The following MCTP1 variants were observed in gnomAD, a reference collection of about 807,000 sequenced individuals.
MCTP1 encodes multiple C2 and transmembrane domain-containing protein 1.
Under a neutral mutation model 120.6 loss-of-function variants are expected in MCTP1, and 69 were observed. That is an observed-to-expected ratio of 0.57 (90% confidence interval 0.47 to 0.70). The LOEUF is 0.70. Ranked by LOEUF, MCTP1 falls within the 30% of genes least tolerant of loss-of-function variation. The probability of loss-of-function intolerance (pLI) is 0.00; values close to 1 mark genes in which losing one functional copy is unlikely to be tolerated. For synonymous variants in MCTP1, 529 were observed against 493.1 expected (o/e 1.07, Z -0.96); for missense variants, 1,203 against 1,248.8 (o/e 0.96, Z 0.55).
At chr5:94,914,272 T>G (rs1809508247) in intron 8 of MCTP1, among the ~76,000 whole-genome samples, 1 of 152,228 alleles carries the variant, frequency 6.6e-6, no homozygotes, top group Non-Finnish European at 1.5e-5. Flanking sequence ...CAAAGTACAC[T>G]TCTAAATTAC....
chr5:95,184,463 C>T (rs1748974323), intron 1 of MCTP1, among the ~76,000 whole-genome samples: 1 of 152,156 alleles, frequency 6.6e-6, no homozygotes, highest in African/African-American at 2.4e-5. Context: ...AGAAATCAGA[C>T]CTAACCGACT....
chr5:94,889,329 C>T (rs2153385773), intron 11 of MCTP1, among the ~76,000 whole-genome samples: 1 of 152,222 alleles, frequency 6.6e-6, no homozygotes. Flanking sequence ...TGGCTTACAC[C>T]TGTAATCCCA....
At chr5:94,789,362 T>G (rs1039520197) in intron 18 of MCTP1, 1 of 152,216 alleles carries the variant, frequency 6.6e-6, no homozygotes, top group African/African-American at 2.4e-5. Context: ...CTTTAGTAAA[T>G]TGACTTTTAA....
At chr5:95,128,609 T>A (rs986435945) in intron 1 of MCTP1, among the ~76,000 whole-genome samples, 2 of 152,204 alleles carry the variant, frequency 1.3e-5, no homozygotes, top group African/African-American at 2.4e-5. Context: ...TATGAAATAT[T>A]CAGAATAGGC....
intron 17 of MCTP1, among the ~76,000 whole-genome samples, chr5:94,847,839 C>T (rs1260584430): frequency 2.0e-5 from 3 of 151,960 alleles, no homozygotes; most frequent in Admixed American, 6.6e-5. Context: ...TTACTTCTTA[C>T]GATTATCTAA....
intron 1 of MCTP1, among the ~76,000 whole-genome samples, chr5:95,221,688 C>T (rs1429752057): frequency 3.3e-5 from 5 of 152,302 alleles, no homozygotes; most frequent in African/African-American, 1.2e-4. Context: ...TCTCTTGGCT[C>T]CCACTATACC....
chr5:95,011,292 A>G (rs1236603752), intron 2 of MCTP1, among the ~76,000 whole-genome samples: 1 of 151,898 alleles, frequency 6.6e-6, no homozygotes, highest in African/African-American at 2.4e-5. Context: ...TTCTATTTCA[A>G]TTCTCCCTTC....
chr5:94,991,554 A>G (rs967058762), intron 2 of MCTP1, among the ~76,000 whole-genome samples: 1 of 152,234 alleles, frequency 6.6e-6, no homozygotes, highest in Non-Finnish European at 1.5e-5. Context: ...AATGATTAAC[A>G]GAAGATTAGT....
At chr5:94,899,561 T>C (rs191422613) in intron 10 of MCTP1, among the ~76,000 whole-genome samples, 4 of 152,338 alleles carry the variant, frequency 2.6e-5, no homozygotes, top group East Asian at 3.9e-4. Flanking sequence ...ACTGTGAAGA[T>C]TGTATCTGGC....
chr5:94,959,587 C>T (rs1581580630), intron 2 of MCTP1, among the ~76,000 whole-genome samples: 1 of 152,186 alleles, frequency 6.6e-6, no homozygotes, highest in East Asian at 1.9e-4. Flanking sequence ...GATACAAAGT[C>T]AATGTGCAAA....
chr5:94,986,409 AT>A (rs1830426313), intron 2 of MCTP1, among the ~76,000 whole-genome samples: 1 of 152,152 alleles, frequency 6.6e-6, no homozygotes, highest in Non-Finnish European at 1.5e-5. Flanking sequence ...TCCTCTTTTC[AT>A]AATCTGTTTT....
In MCTP1 at chr5:95,009,812, C is replaced by A. The variant is rs555016150; in HGVS notation, c.838+7555G>T. 1.5e-3 allele frequency among the ~76,000 whole-genome samples: 225 copies of A among 152,176 alleles called. 2 individuals are homozygous for A. The highest frequency in any genetic ancestry group is 6.8e-3 in the Middle Eastern group (2 of 292). On this transcript the variant is annotated intron_variant, in intron 2 of 22. Coordinates refer to ENST00000515393, the MANE Select transcript of MCTP1 (RefSeq NM_024717.7). Reference sequence around the variant, plus strand: ...TTCTAATTCATTATGCTGCTTAAAGCAAAGACAATAAAACTCAGAAAAAGG... The same window carrying A: ...TTCTAATTCATTATGCTGCTTAAAGAAAAGACAATAAAACTCAGAAAAAGG...
chr5:95,016,825 C>T (rs1272854442), intron 2 of MCTP1, among the ~76,000 whole-genome samples: 1 of 152,078 alleles, frequency 6.6e-6, no homozygotes, highest in Non-Finnish European at 1.5e-5. Flanking sequence ...AATCCGGGAA[C>T]TTAAGAGTAT....
intron 1 of MCTP1, among the ~76,000 whole-genome samples, chr5:95,057,473 A>T (rs766016411): frequency 1.3e-5 from 2 of 152,224 alleles, no homozygotes; most frequent in Non-Finnish European, 1.5e-5. Flanking sequence ...TTTACTAAAA[A>T]ATTTAACATC....
chr5:95,020,004 T>C (rs1837887849), intron 1 of MCTP1, among the ~76,000 whole-genome samples: 2 of 152,152 alleles, frequency 1.3e-5, no homozygotes, highest in African/African-American at 4.8e-5. Context: ...GGTTCTTTTA[T>C]ACACATTGTT....
Position 95,009,683 on chromosome 5 carries a change from A to G in MCTP1, c.838+7684T>C, listed in dbSNP as rs531487976. Among the ~76,000 whole-genome samples the G allele has an allele frequency of 9.2e-5, 14 of 152,250 alleles. No individual in the cohort carries two copies. In the South Asian group the frequency reaches 1.2e-3, roughly 14 times the overall value. The stretch of plus-strand genomic sequence containing the variant: ...TATTCGCTAAATCTGGAACTTTCCA[A>G]TTGCAGCAGGGAAATTGTGTATCTT... On this transcript the variant is annotated intron_variant, in intron 2 of 22. Transcript: ENST00000515393.
At chr5:94,881,108 G>C (rs919220023) in intron 12 of MCTP1, among the ~76,000 whole-genome samples, 5 of 152,082 alleles carry the variant, frequency 3.3e-5, no homozygotes, top group African/African-American at 1.2e-4. Flanking sequence ...TGTGATTTAG[G>C]TTGCATGAAT....
chr5:94,799,228 A>C, intron 17 of MCTP1, 96 bp from the exon 18 acceptor site: 11 of 1,098,700 alleles, frequency 1.0e-5, no homozygotes, highest in East Asian at 2.7e-5. Flanking sequence ...ACAAAACCAA[A>C]TGCTTCAGAA....
intron 1 of MCTP1, among the ~76,000 whole-genome samples, chr5:95,213,351 A>G (rs1269919047): frequency 6.6e-6 from 1 of 152,224 alleles, no homozygotes; most frequent in African/African-American, 2.4e-5. Context: ...CCACTGCTCA[A>G]TGAAATAGAA....
Sources: allele counts gnomAD v4.1 joint callset (sites outside exome capture counted in the v4.1 genomes callset), GRCh38; gene constraint gnomAD v4.1.1; transcripts MANE v1.5; gene names NCBI Gene and HGNC (gene_info 2026-07-23, HGNC 2026-07-21).